BTLA: variants seen among roughly 807,000 people sequenced by gnomAD.
BTLA encodes B and T lymphocyte associated.
BTLA carries 11 observed loss-of-function variants against 25.0 expected under a neutral mutation model. That is an observed-to-expected ratio of 0.44 (90% CI 0.28 to 0.73). The LOEUF is 0.73. Ranked by LOEUF, BTLA falls within the 30% of genes least tolerant of loss-of-function variation. The pLI is 0.15. For missense variants in BTLA, 282 were observed against 332.8 expected, an observed-to-expected ratio of 0.85 and a Z score of 1.19; for synonymous variants, 104 against 119.8, an observed-to-expected ratio of 0.87 and a Z score of 0.86.
chr3:112,493,781 C>T (rs111763487), intron 1 of BTLA, among the ~76,000 whole-genome samples: 2 of 151,800 alleles, frequency 1.3e-5, no homozygotes, highest in South Asian at 2.1e-4. Flanking sequence ...GGATTACAGG[C>T]GAGAGCCACT....
At chr3:112,488,764 C>T (rs563800783) in intron 1 of BTLA, among the ~76,000 whole-genome samples, 2 of 152,252 alleles carry the variant, frequency 1.3e-5, no homozygotes, top group South Asian at 4.1e-4. Flanking sequence ...CAGGCACCTG[C>T]CACTGCGCCC....
chr3:112,493,090 A>C (rs984128247), intron 1 of BTLA, among the ~76,000 whole-genome samples: 3 of 152,204 alleles, frequency 2.0e-5, no homozygotes, highest in Non-Finnish European at 4.4e-5. Flanking sequence ...AGTATACCAG[A>C]AAGGTACAAA....
At chr3:112,495,027 A>C (rs760051936) in intron 1 of BTLA, among the ~76,000 whole-genome samples, 14 of 152,228 alleles carry the variant, frequency 9.2e-5, no homozygotes, top group Non-Finnish European at 2.1e-4. Flanking sequence ...GAAATGTTGG[A>C]CTAAAAGAAA....
At chr3:112,475,157 G>A (rs2082282301) in intron 2 of BTLA, among the ~76,000 whole-genome samples, 1 of 152,252 alleles carries the variant, frequency 6.6e-6, no homozygotes, top group Non-Finnish European at 1.5e-5. Flanking sequence ...AGAGTGGAAT[G>A]TTGTGGAGAG....
At chr3:112,495,270 C>T (rs1254711268) in intron 1 of BTLA, among the ~76,000 whole-genome samples, 1 of 152,286 alleles carries the variant, frequency 6.6e-6, no homozygotes, top group Non-Finnish European at 1.5e-5. Flanking sequence ...GCCACTATAC[C>T]ACACAGCTTC....
chr3:112,466,348 T>C lies in BTLA; in HGVS notation c.630A>G (p.Ala210=), dbSNP rs202155032. The change falls in exon 5 of 5, where the codon GCA becomes GCG. Residue 210 remains alanine (A), a synonymous_variant. Coordinates refer to ENST00000334529, the MANE Select transcript of BTLA (RefSeq NM_181780.4). ...GTACTTGGGAATTTTGCCTGGTGCT[T>C]GCTTCTGTTTGCTCACTCTTAAGGT... ...DAHLKSEQTE[A]STRQNSQVLL... is the part of the protein sequence containing the mutation. 1 of 1,612,602 alleles carries C rather than the reference T, an allele frequency of 6.2e-7. No individual in the cohort carries two copies.
rs1052573131 is a variant in BTLA, at chr3:112,471,541, C to T, written c.404-186G>A. Among the ~76,000 whole-genome samples, 4 of 152,170 alleles carry T rather than the reference C, an allele frequency of 2.6e-5. No individual in the cohort carries two copies. In the South Asian group the frequency reaches 6.2e-4, roughly 24 times the overall value. ...ACCTCTTGCTTTCTTGCTGAGCAGA[C>T]GTGGCTCTGCGATAATTTATCTTTT... On this transcript the variant is annotated intron_variant, in intron 2 of 4. Coordinates refer to ENST00000334529, the MANE Select transcript of BTLA (RefSeq NM_181780.4).
chr3:112,482,178 T>G (rs2082321448), intron 1 of BTLA, among the ~76,000 whole-genome samples: 1 of 152,250 alleles, frequency 6.6e-6, no homozygotes. Context: ...TTACAGTTCT[T>G]TCTTAGCCTT....
Position 112,466,358 on chromosome 3 carries a change from T to C in BTLA, c.620A>G (p.Gln207Arg). 1 of 1,612,216 alleles carries C rather than the reference T, an allele frequency of 6.2e-7. No individual in the cohort carries two copies. Reference protein sequence around the residue: ...NLVDAHLKSEQTEASTRQNSQ... With the variant: ...NLVDAHLKSERTEASTRQNSQ... ...ATTTTGCCTGGTGCTTGCTTCTGTT[T>C]GCTCACTCTTAAGGTGAGCATCAAC... is the stretch of plus-strand genomic sequence containing the variant. The change falls in exon 5 of 5, where the codon CAA becomes CGA. Residue 207 changes from glutamine to arginine, a missense_variant. Coordinates refer to ENST00000334529, the MANE Select transcript of BTLA (RefSeq NM_181780.4).
intron 1 of BTLA, among the ~76,000 whole-genome samples, chr3:112,481,781 C>T (rs186782216): frequency 6.6e-6 from 1 of 152,276 alleles, no homozygotes; most frequent in Admixed American, 6.5e-5. Flanking sequence ...GTGAATTTTC[C>T]AAATCTTTCT....
chr3:112,469,721 C>T (rs774899691), intron 4 of BTLA, 37 bp downstream of exon 4: 1 of 1,568,954 alleles, frequency 6.4e-7, no homozygotes, highest in Non-Finnish European at 8.7e-7. Context: ...CAGTATAACA[C>T]AAATTGCATT....
intron 1 of BTLA, among the ~76,000 whole-genome samples, chr3:112,490,857 T>A (rs2082376545): frequency 6.6e-6 from 1 of 152,234 alleles, no homozygotes; most frequent in Non-Finnish European, 1.5e-5. Flanking sequence ...ATGAAATTTT[T>A]CTTTAAGTTT....
rs56212316 is a variant in BTLA at position 112,482,211 on chromosome 3, G to A, written c.89-2442C>T. On this transcript the variant is annotated intron_variant, in intron 1 of 4. Coordinates refer to ENST00000334529, the MANE Select transcript of BTLA (RefSeq NM_181780.4). ...CTTTCTTTCTATGTTTTGAACTACCGTCTCTCTTAGCAATGTCTAGTTCAT... is the reference window on the plus strand; with the variant it reads ...CTTTCTTTCTATGTTTTGAACTACCATCTCTCTTAGCAATGTCTAGTTCAT... Among the ~76,000 whole-genome samples the A allele has an allele frequency of 3.6e-3, 547 of 151,974 alleles. 5 individuals carry two copies. The highest frequency in any genetic ancestry group is 0.02 in the Middle Eastern group (6 of 294).
At chr3:112,494,822 G>A (rs532642853) in intron 1 of BTLA, among the ~76,000 whole-genome samples, 136 of 152,200 alleles carry the variant, frequency 8.9e-4, no homozygotes, top group Non-Finnish European at 1.6e-3. Flanking sequence ...CATGGCACAC[G>A]TATACCTATG....
chr3:112,480,284 A>G (rs1397191075), intron 1 of BTLA, among the ~76,000 whole-genome samples: 1 of 152,146 alleles, frequency 6.6e-6, no homozygotes, highest in Non-Finnish European at 1.5e-5. Context: ...TATAAGTACT[A>G]ATGATAATCT....
At chr3:112,489,216 T>C (rs2705533) in intron 1 of BTLA, among the ~76,000 whole-genome samples, 23,993 of 152,066 alleles carry the variant, frequency 0.16, 4,005 homozygotes, top group African/African-American at 0.41. Flanking sequence ...TGACACTCCA[T>C]GGCCATCCAG....
intron 1 of BTLA, among the ~76,000 whole-genome samples, chr3:112,489,959 T>C (rs1253631204): frequency 2.0e-5 from 3 of 152,170 alleles, no homozygotes; most frequent in Non-Finnish European, 2.9e-5. Flanking sequence ...GGTTTGTACA[T>C]AGTCAGGGCA....
chr3:112,485,902 G>C (rs1468382351), intron 1 of BTLA, among the ~76,000 whole-genome samples: 1 of 152,212 alleles, frequency 6.6e-6, no homozygotes, highest in Non-Finnish European at 1.5e-5. Flanking sequence ...CACGAGGTCA[G>C]GAGATAGAGA....
chr3:112,489,555 T>C (rs570791319), intron 1 of BTLA, among the ~76,000 whole-genome samples: 6 of 152,226 alleles, frequency 3.9e-5, no homozygotes, highest in Non-Finnish European at 2.9e-5. Flanking sequence ...ATGACTGTAA[T>C]GAATGCAGAT....
Sources: allele counts gnomAD v4.1 joint callset (sites outside exome capture counted in the v4.1 genomes callset), GRCh38; gene constraint gnomAD v4.1.1; transcripts MANE v1.5; gene names NCBI Gene and HGNC (gene_info 2026-07-23, HGNC 2026-07-21).